Variants in RFX3 observed in about 807,000 individuals in gnomAD.
RFX3 encodes transcription factor RFX3.
In RFX3, 14 loss-of-function variants were observed where a neutral mutation model predicts 98.6. The ratio of observed to expected loss-of-function variants is 0.14; its 90% CI spans 0.09 to 0.22. RFX3 has a LOEUF of 0.22. RFX3 is among the 10% of genes least tolerant of loss of function. The pLI is 1.00. For synonymous variants in RFX3, 383 were observed against 328.4 expected (o/e 1.17, Z -1.80); for missense variants, 639 against 926.9 (o/e 0.69, Z 4.03).
At chr9:3,341,350 C>T (rs1467035372) in intron 3 of RFX3, among the ~76,000 whole-genome samples, 2 of 151,492 alleles carry the variant, frequency 1.3e-5, no homozygotes, top group Non-Finnish European at 2.9e-5. Context: ...CACATGTATA[C>T]ATATGTAACA....
chr9:3,522,729 C>CA (rs1306518704), intron 1 of RFX3, among the ~76,000 whole-genome samples: 1 of 152,100 alleles, frequency 6.6e-6, no homozygotes, highest in Non-Finnish European at 1.5e-5. Context: ...AACACAATAT[C>CA]AACTTTCTCA....
chr9:3,395,638 C>A (rs912460564), intron 1 of RFX3, 42 bp from the exon 2 acceptor site: 1 of 1,600,834 alleles, frequency 6.2e-7, no homozygotes, highest in Non-Finnish European at 8.5e-7. Context: ...AAATGTCACT[C>A]CTGCATGACT....
At chr9:3,352,124 G>A (rs1388327413) in intron 2 of RFX3, among the ~76,000 whole-genome samples, 2 of 151,904 alleles carry the variant, frequency 1.3e-5, no homozygotes, top group African/African-American at 2.4e-5. Context: ...AGGCAAGATT[G>A]CCAATACATA....
intron 1 of RFX3, among the ~76,000 whole-genome samples, chr9:3,403,046 G>A (rs564188962): frequency 1.3e-5 from 2 of 151,912 alleles, no homozygotes; most frequent in Non-Finnish European, 2.9e-5. Context: ...GTTTAGTCAC[G>A]TACTACATTT....
chr9:3,395,482 A>G lies in RFX3; in HGVS notation c.107T>C (p.Val36Ala). ...GCAGCAGCTCCTTACCTGTTGTTGTACTGGTACTTGCTGTACCACCTGCGT... is the reference window on the plus strand; with the variant it reads ...GCAGCAGCTCCTTACCTGTTGTTGTGCTGGTACTTGCTGTACCACCTGCGT... Reference protein sequence around the residue: ...VPTQVVQQVPVQQQVQQVQTV... With the variant: ...VPTQVVQQVPAQQQVQQVQTV... The change falls in exon 2 of 17, where the codon GTA becomes GCA. Residue 36 changes from valine to alanine, a missense_variant. Val to Ala is a moderately conservative substitution (Grantham distance 64). Transcript: ENST00000617270. The G allele has an allele frequency of 6.2e-7, 1 of 1,614,108 alleles. No individual in the cohort carries two copies. The highest frequency in any genetic ancestry group is 8.5e-7 in the Non-Finnish European group (1 of 1,179,970).
intron 7 of RFX3, among the ~76,000 whole-genome samples, chr9:3,281,169 C>A (rs754703773): frequency 6.6e-6 from 1 of 151,408 alleles, no homozygotes; most frequent in East Asian, 1.9e-4. Context: ...CTTTTATATT[C>A]TATTGGCTTA....
At chr9:3,342,641 A>G (rs1394501176) in intron 3 of RFX3, among the ~76,000 whole-genome samples, 1 of 152,070 alleles carries the variant, frequency 6.6e-6, no homozygotes, top group Non-Finnish European at 1.5e-5. Context: ...GTCAAAAAAG[A>G]GTGGGGGAAG....
chr9:3,415,850 T>C (rs183320071), intron 1 of RFX3, among the ~76,000 whole-genome samples: 1 of 152,320 alleles, frequency 6.6e-6, no homozygotes, highest in Non-Finnish European at 1.5e-5. Context: ...TCAATCTCTC[T>C]ATCAATTCCT....
intron 1 of RFX3, among the ~76,000 whole-genome samples, chr9:3,468,683 C>T (rs1848519630): frequency 6.6e-6 from 1 of 151,928 alleles, no homozygotes; most frequent in Non-Finnish European, 1.5e-5. Context: ...GCTCCATTTG[C>T]TTTCTTTGTT....
At chr9:3,339,332 A>G (rs1161677950) in intron 3 of RFX3, among the ~76,000 whole-genome samples, 1 of 152,202 alleles carries the variant, frequency 6.6e-6, no homozygotes, top group African/African-American at 2.4e-5. Flanking sequence ...CAATTTTAGC[A>G]GAAATGGCAT....
At chr9:3,512,106 A>G (rs944219683) in intron 1 of RFX3, among the ~76,000 whole-genome samples, 1 of 150,630 alleles carries the variant, frequency 6.6e-6, no homozygotes, top group African/African-American at 2.5e-5. Context: ...ATAATAAATA[A>G]TAAGAGAAAT....
intron 3 of RFX3, among the ~76,000 whole-genome samples, chr9:3,334,343 C>G (rs1832920415): frequency 6.6e-6 from 1 of 152,166 alleles, no homozygotes; most frequent in South Asian, 2.1e-4. Flanking sequence ...AAGATACTTA[C>G]CACTTCGGAT....
At chr9:3,362,642 T>A (rs923228778) in intron 2 of RFX3, among the ~76,000 whole-genome samples, 1 of 152,154 alleles carries the variant, frequency 6.6e-6, no homozygotes, top group Admixed American at 6.5e-5. Context: ...ACAGCATAAG[T>A]GTAATAGTGT....
intron 1 of RFX3, among the ~76,000 whole-genome samples, chr9:3,500,388 TGAAAAGAAAAGGAAAA>T (rs1223055002): frequency 6.6e-6 from 1 of 151,954 alleles, no homozygotes. Flanking sequence ...ATTTTCCGGA[TGAAAAGAAAAGGAAAA>T]AAGAGAAAAC....
Position 3,238,777 on chromosome 9 carries a change from C to T in RFX3, c.1968+9255G>A, listed in dbSNP as rs565868159. Among the ~76,000 whole-genome samples the T allele has an allele frequency of 3.5e-4, 54 of 152,188 alleles. 2 individuals carry two copies. In the South Asian group the frequency reaches 0.011, roughly 32 times the overall value. On this transcript the variant is annotated intron_variant, in intron 15 of 16. Transcript: ENST00000617270. ...CCGAGGCAGGCGGATCACGTGAGGT[C>T]GGGAGTTTGACACCAGCCTGACCGA...
chr9:3,281,623 T>C (rs777302608), intron 7 of RFX3, among the ~76,000 whole-genome samples: 2 of 151,760 alleles, frequency 1.3e-5, no homozygotes, highest in Non-Finnish European at 3.0e-5. Context: ...TGCAACTCAA[T>C]GGGTAATCAG....
intron 3 of RFX3, chr9:3,344,762 A>G: frequency 1.5e-6 from 1 of 677,436 alleles, no homozygotes; most frequent in East Asian, 2.7e-5. Flanking sequence ...AAAGCCATTT[A>G]TTTTCCCTGA....
At chr9:3,303,327 T>A (rs1166157433) in intron 4 of RFX3, among the ~76,000 whole-genome samples, 1 of 151,746 alleles carries the variant, frequency 6.6e-6, no homozygotes, top group Non-Finnish European at 1.5e-5. Context: ...AATAAGTGCT[T>A]TTTTTTCAAA....
chr9:3,332,844 G>T (rs537390045), intron 3 of RFX3, among the ~76,000 whole-genome samples: 1 of 152,208 alleles, frequency 6.6e-6, no homozygotes, highest in South Asian at 2.1e-4. Context: ...CTGCCTGAAA[G>T]GCCCTTTCAT....
Sources: gnomAD v4.1 joint callset for allele counts (sites outside exome capture counted in the v4.1 genomes callset) on GRCh38, gnomAD v4.1.1 for gene constraint, MANE v1.5 for transcripts, NCBI Gene and HGNC (gene_info 2026-07-23, HGNC 2026-07-21) for gene names.